The following ID1 variants were observed in gnomAD, a reference collection of about 807,000 sequenced individuals.
ID1 encodes DNA-binding protein inhibitor ID-1.
ID1 carries 8 observed loss-of-function variants against 11.3 expected under a neutral mutation model. The ratio of observed to expected loss-of-function variants is 0.71; its 90% confidence interval spans 0.42 to 1.28. ID1 has a LOEUF of 1.28. ID1 is among the 50% of genes most tolerant of loss of function. The probability of loss-of-function intolerance (pLI) is 0.01; values close to 1 mark genes in which losing one functional copy is unlikely to be tolerated. For synonymous variants in ID1, 176 were observed against 100.2 expected (o/e 1.76, Z -4.52); for missense variants, 347 against 219.8 (o/e 1.58, Z -3.66).
rs369242443 is a variant in ID1, at chr20:31,605,960, C to G, written c.427-93C>G. 2.4e-4 allele frequency: 386 copies of G among 1,603,994 alleles called. 8 individuals are homozygous for G. In the South Asian group the frequency reaches 2.7e-3, roughly 11 times the overall value. On this transcript the variant is annotated intron_variant, in intron 1 of 1. Coordinates refer to ENST00000376112, the MANE Select transcript of ID1 (RefSeq NM_002165.4). Reference sequence around the variant, plus strand: ...GCCTAAGGAGCCTGGAAAAAGCGCTCCCCCGTCGTGCTTCCTGGGGAAGGG... The same window carrying G: ...GCCTAAGGAGCCTGGAAAAAGCGCTGCCCCGTCGTGCTTCCTGGGGAAGGG...
chr20:31,605,938 T>C, intron 1 of ID1, 115 bp from the exon 2 acceptor site: 3 of 1,592,874 alleles, frequency 1.9e-6, no homozygotes, highest in Non-Finnish European at 2.6e-6. Flanking sequence ...CGGGGGTGCC[T>C]AAGGAGCCTG....
In ID1 at chr20:31,606,489, TAAAC is replaced by T. The variant is rs752323791; in HGVS notation, c.*399_*402del. On this transcript the variant is annotated 3_prime_UTR_variant, in exon 2 of 2. Coordinates refer to ENST00000376112, the MANE Select transcript of ID1 (RefSeq NM_002165.4). ...TTCTGTGGGGCTGTTTTTTTGTTATTAAACAAATAATTTAGATGGTGGTAAAGTT... is the reference window on the plus strand; with the variant it reads ...TTCTGTGGGGCTGTTTTTTTGTTATTAAATAATTTAGATGGTGGTAAAGTT... 210 of 214,054 alleles carry T rather than the reference TAAAC, an allele frequency of 9.8e-4. No homozygotes were observed. Among genetic ancestry groups the T allele is most frequent in the Non-Finnish European group, 9.5e-4 (93 of 98,064 alleles). The allele number at this position is 214,054 out of a possible 1,614,324, so 13.3% of individuals were successfully genotyped here.
chr20:31,605,583 C>T lies in ID1; in HGVS notation c.196C>T (p.Leu66Phe), dbSNP rs772241896. 5.1e-6 allele frequency: 8 copies of T among 1,564,404 alleles called. No homozygotes were observed. In the Admixed American group the frequency reaches 1.3e-4, roughly 26 times the overall value. The change falls in exon 1 of 2, where the codon CTC (leucine) becomes TTC (phenylalanine). Residue 66 changes from leucine (L) to phenylalanine (F), a missense_variant. By Grantham distance (22) the Leu-to-Phe change is conservative. Transcript: ENST00000376112. The stretch of plus-strand genomic sequence containing the variant: ...GGACGAGCAGCAGGTAAACGTGCTG[C>T]TCTACGACATGAACGGCTGTTACTC... ...LLDEQQVNVL[L>F]YDMNGCYSRL...
chr20:31,606,151 G>A lies in ID1; in HGVS notation c.*57G>A. 6.5e-7 allele frequency: 1 copy of A among 1,548,148 alleles called. No homozygotes were observed. The highest frequency in any genetic ancestry group is 1.4e-5 in the African/African-American group (1 of 73,780). On this transcript the variant is annotated 3_prime_UTR_variant, in exon 2 of 2. Coordinates refer to ENST00000376112, the MANE Select transcript of ID1 (RefSeq NM_002165.4). ...CCATCCAGGGGGCAAGAGGAATTAC[G>A]TGCTCTGTGGGTCTCCCCCAACGCG... is the stretch of plus-strand genomic sequence containing the variant.
Position 31,605,590 on chromosome 20 carries a change from A to C in ID1, c.203A>C (p.Asp68Ala). ...CAGCAGGTAAACGTGCTGCTCTACG[A>C]CATGAACGGCTGTTACTCACGCCTC... ...DEQQVNVLLY[D>A]MNGCYSRLKE... is the part of the protein sequence containing the mutation. The change falls in exon 1 of 2, where the codon GAC becomes GCC. Residue 68 changes from aspartate to alanine, a missense_variant. Asp to Ala is a moderately radical substitution (Grantham distance 126, BLOSUM62 -2). Transcript: ENST00000376112. 1 of 1,567,180 alleles carries C rather than the reference A, an allele frequency of 6.4e-7. No homozygotes were observed. Among genetic ancestry groups the C allele is most frequent in the Non-Finnish European group, 8.7e-7 (1 of 1,156,062 alleles).
Position 31,606,124 on chromosome 20 carries a change from A to G in ID1, c.*30A>G, listed in dbSNP as rs1449446260. ...CCTCCCCCAGGGACCGGCGGACCCC[A>G]GCCATCCAGGGGGCAAGAGGAATTA... On this transcript the variant is annotated 3_prime_UTR_variant, in exon 2 of 2. Transcript: ENST00000376112. 1.2e-6 allele frequency: 2 copies of G among 1,601,332 alleles called. No homozygotes were observed. The highest frequency in any genetic ancestry group is 8.5e-7 in the Non-Finnish European group (1 of 1,173,684).
In ID1 at chr20:31,606,240, CCTGGGG is replaced by C. The variant is rs544010738; in HGVS notation, c.*150_*155del. The C allele has an allele frequency of 2.4e-6, 2 of 828,680 alleles. No homozygotes were observed. The highest frequency in any genetic ancestry group is 4.0e-6 in the Non-Finnish European group (2 of 504,738). The allele number at this position is 828,680 out of a possible 1,614,324, so 51.3% of individuals were successfully genotyped here. On this transcript the variant is annotated 3_prime_UTR_variant, in exon 2 of 2. Coordinates refer to ENST00000376112, the MANE Select transcript of ID1 (RefSeq NM_002165.4). ...CCACTGCGCCCTTAACTGCATCCAG[CCTGGGG>C]CTGAGGCTGAGGCACTGGCGAGGAG...
chr20:31,606,433 A>G lies in ID1; in HGVS notation c.*339A>G. 2.9e-6 allele frequency: 1 copy of G among 344,964 alleles called. No homozygotes were observed. Among genetic ancestry groups the G allele is most frequent in the Non-Finnish European group, 5.6e-6 (1 of 180,146 alleles). 21.4% of individuals were successfully genotyped at this position (344,964 alleles called of 1,614,324 possible). On this transcript the variant is annotated 3_prime_UTR_variant, in exon 2 of 2. Transcript: ENST00000376112. ...TTGCTTTGTATTGTATATTACAATG[A>G]TCACCGACTGAAAATATTGTTTTAC...
Position 31,606,476 on chromosome 20 carries a change from GT to G in ID1, c.*389del. On this transcript the variant is annotated 3_prime_UTR_variant, in exon 2 of 2. Transcript: ENST00000376112. ...TGTTTTACAATAGTTCTGTGGGGCT[GT>G]TTTTTTGTTATTAAACAAATAATTT... 8.6e-6 allele frequency: 2 copies of G among 232,628 alleles called. No individual in the cohort carries two copies. The highest frequency in any genetic ancestry group is 1.8e-5 in the Non-Finnish European group (2 of 110,050). 14.4% of individuals were successfully genotyped at this position (232,628 alleles called of 1,614,324 possible).
Position 31,606,225 on chromosome 20 carries a change from C to CTTAA in ID1, c.*132_*135dup. ...AAGACCGATCGGCGGCCACTGCGCCCTTAACTGCATCCAGCCTGGGGCTGA... is the reference window on the plus strand; with the variant it reads ...AAGACCGATCGGCGGCCACTGCGCCCTTAATTAACTGCATCCAGCCTGGGGCTGA... On this transcript the variant is annotated 3_prime_UTR_variant, in exon 2 of 2. Coordinates refer to ENST00000376112, the MANE Select transcript of ID1 (RefSeq NM_002165.4). The CTTAA allele has an allele frequency of 1.0e-6, 1 of 954,264 alleles. No individual in the cohort carries two copies. The highest frequency in any genetic ancestry group is 1.6e-6 in the Non-Finnish European group (1 of 610,258). The allele number at this position is 954,264 out of a possible 1,614,324, so 59.1% of individuals were successfully genotyped here.
At chr20:31,605,977 G>T in intron 1 of ID1, 76 bp from the exon 2 acceptor site, 1 of 1,610,048 alleles carries the variant, frequency 6.2e-7, no homozygotes. Flanking sequence ...CGTGCTTCCT[G>T]GGGAAGGGGG....
chr20:31,605,709 G>C lies in ID1; in HGVS notation c.322G>C (p.Glu108Gln), dbSNP rs773914342. The C allele has an allele frequency of 5.0e-6, 8 of 1,611,670 alleles. No homozygotes were observed. Among genetic ancestry groups the C allele is most frequent in the Non-Finnish European group, 6.8e-6 (8 of 1,178,876 alleles). ...CGACTACATCAGGGACCTTCAGTTG[G>C]AGCTGAACTCGGAATCCGAAGTTGG... is the stretch of plus-strand genomic sequence containing the variant. Reference protein sequence around the residue: ...VIDYIRDLQLELNSESEVGTP... With the variant: ...VIDYIRDLQLQLNSESEVGTP... Residue 108 changes from glutamate to glutamine, a missense_variant, in exon 1 of 2, where the codon GAG becomes CAG. Transcript: ENST00000376112.
At chr20:31,605,963 C>T (rs1986091691) in intron 1 of ID1, 90 bp from the exon 2 acceptor site, 30 of 1,605,714 alleles carry the variant, frequency 1.9e-5, no homozygotes, top group Non-Finnish European at 2.4e-5. Flanking sequence ...AAGCGCTCCC[C>T]CGTCGTGCTT....
Position 31,605,902 on chromosome 20 carries a change from C to G in ID1, c.426+89C>G. ...GCGTGGGCGCTTGCACCACTTCCGT[C>G]CCATCCTTGCGGGTACCTGGCTATG... On this transcript the variant is annotated intron_variant, in intron 1 of 1. Transcript: ENST00000376112. The G allele has an allele frequency of 2.5e-6, 4 of 1,582,850 alleles. No homozygotes were observed. The Admixed American group carries it at 5.3e-5, about 21-fold the overall frequency.
At chr20:31,605,847 A>C in intron 1 of ID1, 34 bp downstream of exon 1, 1 of 1,602,102 alleles carries the variant, frequency 6.2e-7, no homozygotes, top group African/African-American at 1.3e-5. Flanking sequence ...GATCATCCTT[A>C]TACCGACGGG....
Position 31,606,058 on chromosome 20 carries a change from A to G in ID1, c.432A>G (p.Ala144=). 1.2e-6 allele frequency: 2 copies of G among 1,611,092 alleles called. No homozygotes were observed. The highest frequency in any genetic ancestry group is 1.7e-6 in the Non-Finnish European group (2 of 1,179,996). The change falls in exon 2 of 2, where the codon GCA becomes GCG. Residue 144 remains alanine (A), a synonymous_variant. Transcript: ENST00000376112. Reference sequence around the variant, plus strand: ...ATTTCTTCTCGTTTTCACAGGCGGCATGCGTTCCTGCGGACGATCGCATCT... The same window carrying G: ...ATTTCTTCTCGTTTTCACAGGCGGCGTGCGTTCCTGCGGACGATCGCATCT... The part of the protein sequence containing the change: ...GEISALTAEA[A]CVPADDRILC...
rs761071206 is a variant in ID1 at position 31,605,299 on chromosome 20, C to T, written c.-89C>T. 71 of 1,258,480 alleles carry T rather than the reference C, an allele frequency of 5.6e-5. No homozygotes were observed. The highest frequency in any genetic ancestry group is 1.1e-4 in the African/African-American group (7 of 64,886). The allele number at this position is 1,258,480 out of a possible 1,614,324, so 78.0% of individuals were successfully genotyped here. A position where few individuals can be genotyped will look rare whatever the true frequency, so the allele number is the denominator to read the frequency against. On this transcript the variant is annotated 5_prime_UTR_variant, in exon 1 of 2. Transcript: ENST00000376112. ...TGGCTCCGCACTCTCATTCCACGTT[C>T]TTAACTGTTCCATTTTCCGTATCTG...
Position 31,605,722 on chromosome 20 carries a change from A to C in ID1, c.335A>C (p.Glu112Ala), listed in dbSNP as rs140742440. Residue 112 changes from glutamate to alanine, a missense_variant, in exon 1 of 2, where the codon GAA becomes GCA. Physicochemically the swap from Glu to Ala is moderately radical, Grantham distance 107 (BLOSUM62 -1). Transcript: ENST00000376112. ...GACCTTCAGTTGGAGCTGAACTCGGAATCCGAAGTTGGAACCCCCGGGGGC... is the reference window on the plus strand; with the variant it reads ...GACCTTCAGTTGGAGCTGAACTCGGCATCCGAAGTTGGAACCCCCGGGGGC... ...IRDLQLELNSESEVGTPGGRG... is the reference protein window; with the variant it reads ...IRDLQLELNSASEVGTPGGRG... 4.7e-5 allele frequency: 75 copies of C among 1,611,396 alleles called. No homozygotes were observed. The African/African-American group carries it at 8.7e-4, about 19-fold the overall frequency.
intron 1 of ID1, 114 bp from the exon 2 acceptor site, chr20:31,605,939 A>T: frequency 2.5e-6 from 4 of 1,593,654 alleles, no homozygotes. Context: ...GGGGGTGCCT[A>T]AGGAGCCTGG....
Sources: allele counts gnomAD v4.1 joint callset, GRCh38; gene constraint gnomAD v4.1.1; transcripts MANE v1.5; gene names NCBI Gene and HGNC (gene_info 2026-07-23, HGNC 2026-07-21).